RNF17: variants seen among roughly 807,000 people sequenced by gnomAD.
The protein encoded by RNF17 is ring finger protein 17.
RNF17 carries 31 observed loss-of-function variants against 200.5 expected under a neutral mutation model. That is an observed-to-expected ratio of 0.15 (90% CI 0.12 to 0.21). RNF17 has a LOEUF of 0.21. Ranked by LOEUF, RNF17 falls within the 10% of genes least tolerant of loss-of-function variation. The pLI, the probability that RNF17 is intolerant of heterozygous loss-of-function variation, is 1.00. For synonymous variants in RNF17, 606 were observed against 637.8 expected, an observed-to-expected ratio of 0.95 and a Z score of 0.75; for missense variants, 1,628 against 1,905.1, an observed-to-expected ratio of 0.85 and a Z score of 2.71.
the RNF17 span, among the ~76,000 whole-genome samples, chr13:24,758,294 C>T: frequency 1.3e-5 from 2 of 152,142 alleles, no homozygotes; most frequent in South Asian, 4.2e-4. Context: ...CTCTGACCAC[C>T]CACCTCAAAT....
In RNF17 at chr13:24,779,703, A is replaced by T; in HGVS notation, c.466A>T (p.Asn156Tyr). Residue 156 changes from asparagine (N) to tyrosine (Y), a missense_variant, in exon 5 of 36, where the codon AAT (asparagine) becomes TAT (tyrosine). Coordinates refer to ENST00000255324, the MANE Select transcript of RNF17 (RefSeq NM_031277.3). ...NTAEEIDEAL[N>Y]TAHHSFEQLS... ...TGCAGAAGAAATTGATGAAGCATTG[A>T]ATACAGCACACCATAGTTTCGAACA... The T allele has an allele frequency of 6.2e-7, 1 of 1,613,644 alleles. No homozygotes were observed. Among genetic ancestry groups the T allele is most frequent in the South Asian group, 1.1e-5 (1 of 91,058 alleles).
downstream of RNF17, chr13:24,882,693 T>C (rs145200221): frequency 1.5e-3 from 243 of 158,772 alleles, 1 homozygote; most frequent in African/African-American, 5.6e-3. Context: ...CATTCTGTTA[T>C]AATAATTAAT....
upstream of RNF17, among the ~76,000 whole-genome samples, chr13:24,762,738 A>G (rs1161532884): frequency 6.6e-6 from 1 of 152,214 alleles, no homozygotes; most frequent in East Asian, 1.9e-4. Context: ...TAGCAGCAAA[A>G]GGCAACCGTG....
intron 2 of RNF17, 147 bp downstream of exon 2, chr13:24,767,513 G>C (rs1322191361): frequency 2.1e-5 from 12 of 581,158 alleles, no homozygotes; most frequent in Middle Eastern, 4.6e-4. Flanking sequence ...ACTTTTGGAG[G>C]CTGAGGCGGG....
intron 22 of RNF17, among the ~76,000 whole-genome samples, chr13:24,846,393 A>G (rs1272189581): frequency 2.0e-5 from 3 of 152,266 alleles, no homozygotes; most frequent in Admixed American, 6.5e-5. Context: ...CTCTAAGCCA[A>G]AAATAACTGG....
chr13:24,863,661 T>C (rs1249067571), intron 28 of RNF17, among the ~76,000 whole-genome samples: 2 of 152,218 alleles, frequency 1.3e-5, no homozygotes, highest in Non-Finnish European at 2.9e-5. Flanking sequence ...CTTTTGTTAG[T>C]ACTAAGAGTC....
At chr13:24,877,930 T>A (rs967711533) in intron 34 of RNF17, among the ~76,000 whole-genome samples, 2 of 152,228 alleles carry the variant, frequency 1.3e-5, no homozygotes, top group African/African-American at 4.8e-5. Context: ...CACAGTGTTT[T>A]AAAGTTGGAA....
downstream of RNF17, among the ~76,000 whole-genome samples, chr13:24,880,447 G>C (rs557152702): frequency 2.0e-5 from 3 of 152,232 alleles, no homozygotes; most frequent in South Asian, 6.2e-4. Flanking sequence ...GTTATGATTT[G>C]GTGTTTATCA....
intron 20 of RNF17, among the ~76,000 whole-genome samples, chr13:24,844,370 T>G (rs1033058446): frequency 1.3e-4 from 20 of 152,006 alleles, no homozygotes; most frequent in African/African-American, 4.6e-4. Flanking sequence ...GAAGGCACTT[T>G]TAGGATGGTC....
At chr13:24,885,827 C>G in the RNF17 span, 1 of 642,016 alleles carries the variant, frequency 1.6e-6, no homozygotes, top group South Asian at 1.9e-5. Context: ...TTGTAGTTCT[C>G]CGACACAGGT....
intron 16 of RNF17, 36 bp downstream of exon 16, chr13:24,825,808 C>G: frequency 6.3e-7 from 1 of 1,587,408 alleles, no homozygotes; most frequent in South Asian, 1.1e-5. Context: ...AGGGAGATGT[C>G]ATACTTCAAA....
intron 25 of RNF17, among the ~76,000 whole-genome samples, chr13:24,854,467 A>T (rs979692210): frequency 2.7e-5 from 4 of 149,062 alleles, no homozygotes; most frequent in East Asian, 2.0e-4. Context: ...TCAGATGCCA[A>T]TTTTTTTTTT....
At chr13:24,832,004 T>A in intron 18 of RNF17, 26 bp downstream of exon 18, 1 of 1,399,918 alleles carries the variant, frequency 7.1e-7, no homozygotes, top group Non-Finnish European at 9.8e-7. Context: ...ACTTGTTATG[T>A]AATCACATAT....
At chr13:24,865,856 G>A (rs1302413504) in intron 29 of RNF17, among the ~76,000 whole-genome samples, 4 of 152,088 alleles carry the variant, frequency 2.6e-5, no homozygotes, top group African/African-American at 9.6e-5. Flanking sequence ...TAGTCTTTCT[G>A]TTCTAGTTGT....
rs74885946 is a variant in RNF17 at position 24,768,712 on chromosome 13, C to G, written c.225+1346C>G. 5.3e-3 allele frequency among the ~76,000 whole-genome samples: 807 copies of G among 152,020 alleles called. 21 individuals carry two copies. In the East Asian group the frequency reaches 0.081, roughly 15 times the overall value. On this transcript the variant is annotated intron_variant, in intron 2 of 35. Coordinates refer to ENST00000255324, the MANE Select transcript of RNF17 (RefSeq NM_031277.3). ...AGAATGCAGTTCTCATTCTGTCAGT[C>G]TAGCCTGGGTTTCCTCATTTGTGAG...
intron 24 of RNF17, 102 bp downstream of exon 24, chr13:24,851,673 T>G (rs914622816): frequency 1.5e-6 from 1 of 687,134 alleles, no homozygotes; most frequent in Non-Finnish European, 2.4e-6. Context: ...GCATCTTGTT[T>G]GCTCTTAAAG....
At chr13:24,827,700 TCAAAAAAAAAAAAAAAA>T (rs1268228386) in intron 16 of RNF17, among the ~76,000 whole-genome samples, 3 of 9,054 alleles carry the variant, frequency 3.3e-4, no homozygotes, top group African/African-American at 7.0e-4. Context: ...AGACTCCGTC[TCAAAAAAAAAAAAAAAA>T]CAAAAAAAAA....
At chr13:24,887,652 T>A in the RNF17 span, among the ~76,000 whole-genome samples, 1 of 149,628 alleles carries the variant, frequency 6.7e-6, no homozygotes, top group Non-Finnish European at 1.5e-5. Flanking sequence ...TATAATTATT[T>A]CATTATACAT....
At chr13:24,885,425 C>G in the RNF17 span, 2 of 1,416,244 alleles carry the variant, frequency 1.4e-6, no homozygotes, top group Admixed American at 1.7e-5. Flanking sequence ...AAAACCTACT[C>G]TTACTTCCAA....
Sources: allele counts gnomAD v4.1 joint callset (sites outside exome capture counted in the v4.1 genomes callset), GRCh38; gene constraint gnomAD v4.1.1; transcripts MANE v1.5; gene names NCBI Gene and HGNC (gene_info 2026-07-23, HGNC 2026-07-21).